The following IPCEF1 variants were observed in gnomAD, a reference collection of about 807,000 sequenced individuals.
The protein encoded by IPCEF1 is interaction protein for cytohesin exchange factors 1.
A neutral mutation model predicts 50.9 loss-of-function variants in IPCEF1; 31 were observed. The ratio of observed to expected loss-of-function variants is 0.61; its 90% CI spans 0.46 to 0.82. IPCEF1 has a LOEUF of 0.82. Among genes scored for constraint, IPCEF1 ranks in the 40% least tolerant of loss-of-function variants. The pLI is 0.00. For missense variants in IPCEF1, 458 were observed against 514.0 expected (o/e 0.89, Z 1.05); for synonymous variants, 181 against 192.0 (o/e 0.94, Z 0.47).
intron 1 of IPCEF1, among the ~76,000 whole-genome samples, chr6:154,353,256 G>A (rs1784147009): frequency 1.3e-5 from 2 of 151,364 alleles, no homozygotes. Flanking sequence ...ATTTAAGGAG[G>A]GTTACATTTT....
At chr6:154,232,849 T>C (rs937986896) in intron 5 of IPCEF1, among the ~76,000 whole-genome samples, 9 of 151,734 alleles carry the variant, frequency 5.9e-5, no homozygotes, top group African/African-American at 2.2e-4. Context: ...TTGTTAAAGC[T>C]ATAAAGAAAT....
At chr6:154,263,357 A>G (rs941483185) in intron 3 of IPCEF1, among the ~76,000 whole-genome samples, 2 of 146,638 alleles carry the variant, frequency 1.4e-5, no homozygotes, top group Non-Finnish European at 3.0e-5. Flanking sequence ...CAAGTGAACA[A>G]AGGTCTCTGG....
intron 2 of IPCEF1, among the ~76,000 whole-genome samples, chr6:154,266,585 T>TATATATATATAC (rs71021035): frequency 1.1e-3 from 148 of 135,670 alleles, no homozygotes; most frequent in African/African-American, 2.2e-3. Context: ...TATATATATA[T>TATATATATATAC]ACACACAAAC....
chr6:154,170,645 G>A (rs141024861), intron 10 of IPCEF1, among the ~76,000 whole-genome samples: 32 of 152,258 alleles, frequency 2.1e-4, no homozygotes, highest in Admixed American at 7.2e-4. Flanking sequence ...GGCTCACACC[G>A]TGTGCAGACA....
intron 10 of IPCEF1, among the ~76,000 whole-genome samples, chr6:154,182,801 A>T (rs1801003851): frequency 6.6e-6 from 1 of 152,114 alleles, no homozygotes; most frequent in African/African-American, 2.4e-5. Flanking sequence ...AACCATGTGG[A>T]TCCATGATGG....
At chr6:154,265,255 A>C (rs1175269872) in intron 3 of IPCEF1, among the ~76,000 whole-genome samples, 1 of 151,974 alleles carries the variant, frequency 6.6e-6, no homozygotes, top group Admixed American at 6.6e-5. Context: ...GTTTTAAAAG[A>C]TACCCATGAT....
intron 7 of IPCEF1, among the ~76,000 whole-genome samples, chr6:154,219,483 C>G (rs949161621): frequency 6.6e-6 from 1 of 152,020 alleles, no homozygotes; most frequent in Non-Finnish European, 1.5e-5. Flanking sequence ...CATTCAAGAC[C>G]AGAAAAGACC....
chr6:154,295,058 T>A (rs991214529), intron 1 of IPCEF1, among the ~76,000 whole-genome samples: 1 of 151,704 alleles, frequency 6.6e-6, no homozygotes, highest in Non-Finnish European at 1.5e-5. Flanking sequence ...ATTAGTCGGG[T>A]GTGGTGGCGG....
At chr6:154,350,210 TG>T (rs1487519902) in intron 1 of IPCEF1, among the ~76,000 whole-genome samples, 2 of 152,238 alleles carry the variant, frequency 1.3e-5, no homozygotes, top group Admixed American at 1.3e-4. Context: ...ATTTTATATT[TG>T]GATCAAAGTT....
intron 11 of IPCEF1, among the ~76,000 whole-genome samples, chr6:154,162,379 C>T (rs1799096441): frequency 6.6e-6 from 1 of 152,198 alleles, no homozygotes; most frequent in Non-Finnish European, 1.5e-5. Context: ...GATTCAGTCC[C>T]ATCAGGGTTT....
intron 3 of IPCEF1, among the ~76,000 whole-genome samples, chr6:154,260,370 A>G (rs1460166225): frequency 6.6e-6 from 1 of 152,194 alleles, no homozygotes; most frequent in Non-Finnish European, 1.5e-5. Context: ...ATAACAGTAA[A>G]AGAGATTATC....
At chr6:154,192,004 A>T (rs576088773) in intron 10 of IPCEF1, among the ~76,000 whole-genome samples, 53 of 152,328 alleles carry the variant, frequency 3.5e-4, no homozygotes, top group African/African-American at 1.2e-3. Context: ...AGATACATTT[A>T]TTGTTGTATA....
chr6:154,289,658 T>C (rs1003705693), intron 2 of IPCEF1, 55 bp downstream of exon 2: 6 of 151,376 alleles, frequency 4.0e-5, no homozygotes, highest in Admixed American at 4.0e-4. Context: ...GCTTTTCAAG[T>C]CATAAATATC....
intron 1 of IPCEF1, among the ~76,000 whole-genome samples, chr6:154,290,929 G>A (rs112954372): frequency 0.048 from 6,491 of 134,552 alleles, 174 homozygotes; most frequent in African/African-American, 0.083. Context: ...TCACTCTGTG[G>A]CCCAGGCTGG....
chr6:154,341,587 A>T (rs758860606), intron 1 of IPCEF1, among the ~76,000 whole-genome samples: 4 of 152,162 alleles, frequency 2.6e-5, no homozygotes, highest in Middle Eastern at 3.2e-3. Flanking sequence ...TCAGTTCCGG[A>T]TCTTTTAATA....
intron 1 of IPCEF1, among the ~76,000 whole-genome samples, chr6:154,332,278 T>C (rs986234143): frequency 2.3e-5 from 3 of 132,714 alleles, no homozygotes; most frequent in African/African-American, 8.4e-5. Context: ...TGTTTTTTTG[T>C]GTGTGAGTGG....
At chr6:154,178,291 TA>T (rs571288623) in intron 10 of IPCEF1, among the ~76,000 whole-genome samples, 21 of 151,802 alleles carry the variant, frequency 1.4e-4, no homozygotes, top group African/African-American at 2.7e-4. Context: ...AGTATAATAA[TA>T]AAAAAAATTA....
chr6:154,292,918 C>T (rs1782549030), intron 1 of IPCEF1, among the ~76,000 whole-genome samples: 1 of 152,188 alleles, frequency 6.6e-6, no homozygotes, highest in Non-Finnish European at 1.5e-5. Flanking sequence ...GATATACCAG[C>T]TCTTTCTTTC....
chr6:154,240,704 AT>A (rs1780510039), intron 5 of IPCEF1, among the ~76,000 whole-genome samples: 1 of 152,206 alleles, frequency 6.6e-6, no homozygotes, highest in Non-Finnish European at 1.5e-5. Flanking sequence ...CCTTCCAAAG[AT>A]AAGAGCCTCT....
Sources: allele counts gnomAD v4.1 joint callset (sites outside exome capture counted in the v4.1 genomes callset), GRCh38; gene constraint gnomAD v4.1.1; transcripts MANE v1.5; gene names NCBI Gene and HGNC (gene_info 2026-07-23, HGNC 2026-07-21).